Variants in PHACTR3 observed in about 807,000 individuals in gnomAD.
PHACTR3 encodes phosphatase and actin regulator 3.
Under a neutral mutation model 66.8 loss-of-function variants are expected in PHACTR3, and 16 were observed. The observed-to-expected ratio is 0.24, with a 90% confidence interval of 0.16 to 0.36. The LOEUF is 0.36. PHACTR3 is among the 10% of genes least tolerant of loss of function. PHACTR3 has a pLI of 1.00. For synonymous variants in PHACTR3, 323 were observed against 292.1 expected (o/e 1.11, Z -1.08); for missense variants, 647 against 719.9 (o/e 0.90, Z 1.16).
chr20:59,628,073 C>T (rs1238226471), intron 1 of PHACTR3: 1 of 152,206 alleles, frequency 6.6e-6, no homozygotes, highest in African/African-American at 2.4e-5. Flanking sequence ...GCTCAAATGC[C>T]TTCAGTGACA....
chr20:59,763,641 G>A (rs757519884), intron 4 of PHACTR3, among the ~76,000 whole-genome samples: 5 of 152,236 alleles, frequency 3.3e-5, no homozygotes, highest in Non-Finnish European at 7.3e-5. Context: ...GGTTAACAGA[G>A]AAATGGAATC....
At chr20:59,756,349 A>C (rs2039792901) in intron 4 of PHACTR3, among the ~76,000 whole-genome samples, 2 of 152,208 alleles carry the variant, frequency 1.3e-5, no homozygotes. Context: ...TTGGAAATCC[A>C]GGCCCCAGGA....
intron 1 of PHACTR3, among the ~76,000 whole-genome samples, chr20:59,658,328 C>G (rs1235151718): frequency 6.6e-6 from 1 of 150,878 alleles, no homozygotes; most frequent in Non-Finnish European, 1.5e-5. Context: ...CTTTTGAATG[C>G]TTTTTTTTAA....
At chr20:59,819,180 G>A (rs34349820) in intron 8 of PHACTR3, among the ~76,000 whole-genome samples, 1 of 152,166 alleles carries the variant, frequency 6.6e-6, no homozygotes, top group Non-Finnish European at 1.5e-5. Context: ...CGAGGCAGGA[G>A]AATCGCTTGA....
At chr20:59,656,875 T>G (rs2035635634) in intron 1 of PHACTR3, among the ~76,000 whole-genome samples, 1 of 152,118 alleles carries the variant, frequency 6.6e-6, no homozygotes, top group Admixed American at 6.5e-5. Flanking sequence ...TCATACTAAC[T>G]TAATTTCAGT....
At chr20:59,742,514 C>T (rs1002950580) in intron 1 of PHACTR3, among the ~76,000 whole-genome samples, 21 of 152,300 alleles carry the variant, frequency 1.4e-4, no homozygotes, top group South Asian at 6.2e-4. Context: ...GAATTCTCAC[C>T]GGCCTGGCTC....
At chr20:59,786,972 C>T (rs1052998012) in intron 7 of PHACTR3, among the ~76,000 whole-genome samples, 3 of 151,876 alleles carry the variant, frequency 2.0e-5, no homozygotes, top group African/African-American at 7.3e-5. Context: ...TGCAATCCAA[C>T]GTGCGTGTGT....
chr20:59,788,091 A>T (rs6100589), intron 7 of PHACTR3, among the ~76,000 whole-genome samples: 19,677 of 152,088 alleles, frequency 0.13, 3,350 homozygotes, highest in African/African-American at 0.39. Flanking sequence ...TTTGTCTTTT[A>T]TCCTTTGCCC....
At chr20:59,612,299 G>A (rs1483060055) in intron 1 of PHACTR3, among the ~76,000 whole-genome samples, 1 of 152,074 alleles carries the variant, frequency 6.6e-6, no homozygotes, top group African/African-American at 2.4e-5. Context: ...TGTGCCTGCT[G>A]GGGCGGAGCT....
At chr20:59,705,976 A>T (rs1314667958) in intron 1 of PHACTR3, among the ~76,000 whole-genome samples, 1 of 152,190 alleles carries the variant, frequency 6.6e-6, no homozygotes, top group Non-Finnish European at 1.5e-5. Flanking sequence ...CAGAGGCCAG[A>T]GCTGAAGTGA....
intron 1 of PHACTR3, among the ~76,000 whole-genome samples, chr20:59,637,696 TA>T (rs34038040): frequency 0.072 from 10,289 of 143,008 alleles, 498 homozygotes; most frequent in African/African-American, 0.14. Flanking sequence ...CACAAAGCAT[TA>T]AAAAAAAAAA....
At chr20:59,743,015 A>T (rs2039223873) in intron 1 of PHACTR3, 92 bp from the exon 2 acceptor site, 2 of 1,408,722 alleles carry the variant, frequency 1.4e-6, no homozygotes, top group Admixed American at 2.2e-5. Context: ...ATCACTGGTG[A>T]CCCCTTAGGG....
At chr20:59,779,663 C>T (rs2040656380) in intron 7 of PHACTR3, among the ~76,000 whole-genome samples, 1 of 152,240 alleles carries the variant, frequency 6.6e-6, no homozygotes, top group African/African-American at 2.4e-5. Context: ...TGTCTTATCC[C>T]ATGTGAAAAA....
At chr20:59,749,012 T>A (rs1216509489) in intron 3 of PHACTR3, among the ~76,000 whole-genome samples, 1 of 152,178 alleles carries the variant, frequency 6.6e-6, no homozygotes, top group Non-Finnish European at 1.5e-5. Flanking sequence ...ATGCTATTTT[T>A]AGGGGAAATC....
intron 1 of PHACTR3, among the ~76,000 whole-genome samples, chr20:59,664,382 T>G (rs1310445665): frequency 6.6e-6 from 1 of 152,290 alleles, no homozygotes; most frequent in African/African-American, 2.4e-5. Flanking sequence ...GGCAGCCTAC[T>G]CTGGTTACAG....
chr20:59,753,194 C>T lies in PHACTR3; in HGVS notation c.359-1988C>T, dbSNP rs78479456. Among the ~76,000 whole-genome samples the T allele has an allele frequency of 4.2e-3, 643 of 152,140 alleles. 5 individuals are homozygous for T. Among genetic ancestry groups the T allele is most frequent in the African/African-American group, 0.015 (613 of 41,514 alleles). On this transcript the variant is annotated intron_variant, in intron 3 of 12. Transcript: ENST00000371015. ...GGGTTGCAGCACGGGGGATACAGCA[C>T]GTGGCCCACAGAGCCCGTCACAATG...
intron 7 of PHACTR3, among the ~76,000 whole-genome samples, chr20:59,797,288 T>G (rs2041276765): frequency 6.6e-6 from 1 of 152,186 alleles, no homozygotes; most frequent in African/African-American, 2.4e-5. Flanking sequence ...TAAGGTTTCT[T>G]AAGGTCATTA....
In PHACTR3 at chr20:59,659,398, C is replaced by A. The variant is rs1403112855; in HGVS notation, c.118+54266C>A. ...TTTTTTTTTTTTTTTTTTTTTGAGACAGTCTCGCTCTGTCACCAGGCTGGA... is the reference window on the plus strand; with the variant it reads ...TTTTTTTTTTTTTTTTTTTTTGAGAAAGTCTCGCTCTGTCACCAGGCTGGA... On this transcript the variant is annotated intron_variant, in intron 1 of 12. Coordinates refer to ENST00000371015, the MANE Select transcript of PHACTR3 (RefSeq NM_080672.5). Among the ~76,000 whole-genome samples, 5 of 101,580 alleles carry A rather than the reference C, an allele frequency of 4.9e-5. No homozygotes were observed. In the Admixed American group the frequency reaches 7.0e-4, roughly 14 times the overall value. 66.6% of individuals were successfully genotyped at this position (101,580 alleles called of 152,430 possible).
intron 1 of PHACTR3, among the ~76,000 whole-genome samples, chr20:59,730,461 G>T (rs1045396152): frequency 6.6e-6 from 1 of 152,148 alleles, no homozygotes; most frequent in Admixed American, 6.5e-5. Context: ...AAGAGCCACT[G>T]TGATGTCATG....
Sources: gnomAD v4.1 joint callset for allele counts (sites outside exome capture counted in the v4.1 genomes callset) on GRCh38, gnomAD v4.1.1 for gene constraint, MANE v1.5 for transcripts, NCBI Gene and HGNC (gene_info 2026-07-23, HGNC 2026-07-21) for gene names.